Variants in FMNL2 observed in about 807,000 individuals in gnomAD.
The protein encoded by FMNL2 is formin like 2, also known as formin-like protein 2.
Under a neutral mutation model 130.2 loss-of-function variants are expected in FMNL2, and 51 were observed. The ratio of observed to expected loss-of-function variants is 0.39; its 90% confidence interval spans 0.31 to 0.49. The LOEUF is 0.49. FMNL2 is among the 20% of genes least tolerant of loss of function. FMNL2 has a pLI of 0.85. For missense variants in FMNL2, 977 were observed against 1,316.2 expected, an observed-to-expected ratio of 0.74 and a Z score of 3.99; for synonymous variants, 465 against 467.1, an observed-to-expected ratio of 1.00 and a Z score of 0.06.
intron 1 of FMNL2, among the ~76,000 whole-genome samples, chr2:152,502,824 G>C (rs1691923411): frequency 6.6e-6 from 1 of 152,150 alleles, no homozygotes; most frequent in South Asian, 2.1e-4. Context: ...TCTTGTATAA[G>C]GGGGTTTATT....
At chr2:152,479,045 A>G (rs1690329744) in intron 1 of FMNL2, among the ~76,000 whole-genome samples, 1 of 152,236 alleles carries the variant, frequency 6.6e-6, no homozygotes, top group African/African-American at 2.4e-5. Flanking sequence ...TTAGTTACAC[A>G]TATAAAATAT....
intron 25 of FMNL2, among the ~76,000 whole-genome samples, chr2:152,645,180 T>G (rs1449789148): frequency 6.6e-6 from 1 of 152,228 alleles, no homozygotes; most frequent in Non-Finnish European, 1.5e-5. Flanking sequence ...CTGTCAGTTT[T>G]GCTGTTGGAC....
At chr2:152,442,855 T>C (rs1247660314) in intron 1 of FMNL2, among the ~76,000 whole-genome samples, 1 of 152,294 alleles carries the variant, frequency 6.6e-6, no homozygotes, top group East Asian at 1.9e-4. Context: ...AAAACACTAA[T>C]TACTGGGTTC....
At chr2:152,463,449 C>T (rs1579725233) in intron 1 of FMNL2, among the ~76,000 whole-genome samples, 1 of 152,122 alleles carries the variant, frequency 6.6e-6, no homozygotes, top group Non-Finnish European at 1.5e-5. Flanking sequence ...GCTTCAAAGC[C>T]TATGGTATTA....
chr2:152,602,018 G>T (rs934722984), intron 9 of FMNL2, among the ~76,000 whole-genome samples: 6 of 152,192 alleles, frequency 3.9e-5, no homozygotes, highest in African/African-American at 1.4e-4. Flanking sequence ...AGGGTTGTTT[G>T]CTGAATGGTC....
Position 152,389,859 on chromosome 2 carries a change from C to T in FMNL2, c.117+54139C>T, listed in dbSNP as rs111359143. On this transcript the variant is annotated intron_variant, in intron 1 of 25. Transcript: ENST00000288670. ...AGCTTATCATACAGACTTTCAGCCA[C>T]GACAATCAGCTGGCACAGAAGGCCC... 5,546 of 1,059,636 alleles carry T rather than the reference C, an allele frequency of 5.2e-3. 181 individuals carry two copies. In the African/African-American group the frequency reaches 0.076, roughly 15 times the overall value. 65.6% of individuals were successfully genotyped at this position (1,059,636 alleles called of 1,614,324 possible).
intron 3 of FMNL2, among the ~76,000 whole-genome samples, chr2:152,546,955 T>TC: frequency 6.6e-6 from 1 of 151,510 alleles, no homozygotes; most frequent in Non-Finnish European, 1.5e-5. Flanking sequence ...TCTTTTTTTT[T>TC]TTTTTTTTGA....
chr2:152,344,824 A>G (rs571960481), intron 1 of FMNL2, among the ~76,000 whole-genome samples: 1 of 152,224 alleles, frequency 6.6e-6, no homozygotes, highest in Non-Finnish European at 1.5e-5. Context: ...GTGAAATTCA[A>G]ATATACTTGT....
chr2:152,337,310 C>T (rs1681528875), intron 1 of FMNL2, among the ~76,000 whole-genome samples: 1 of 152,012 alleles, frequency 6.6e-6, no homozygotes. Context: ...TCCTACTAGA[C>T]ATATGGTTCT....
intron 6 of FMNL2, among the ~76,000 whole-genome samples, chr2:152,571,671 C>T (rs1176597358): frequency 6.6e-6 from 1 of 152,112 alleles, no homozygotes; most frequent in Non-Finnish European, 1.5e-5. Context: ...AACAGGTAAA[C>T]TAGGATGATC....
chr2:152,491,997 C>G (rs148740540), intron 1 of FMNL2, among the ~76,000 whole-genome samples: 4 of 152,262 alleles, frequency 2.6e-5, no homozygotes, highest in African/African-American at 9.6e-5. Context: ...TAGAGTTATA[C>G]TGAGCTAAAG....
intron 1 of FMNL2, among the ~76,000 whole-genome samples, chr2:152,518,749 C>T (rs1325120452): frequency 8.5e-5 from 13 of 152,156 alleles, no homozygotes; most frequent in African/African-American, 1.2e-4. Flanking sequence ...AACGTGCCAT[C>T]GACCCCATCT....
intron 1 of FMNL2, among the ~76,000 whole-genome samples, chr2:152,340,640 C>G (rs570641485): frequency 3.6e-4 from 55 of 152,346 alleles, no homozygotes; most frequent in African/African-American, 1.3e-3. Flanking sequence ...AACGCATATA[C>G]TCCAAATGCG....
chr2:152,457,608 G>A (rs1368554353), intron 1 of FMNL2, among the ~76,000 whole-genome samples: 2 of 152,214 alleles, frequency 1.3e-5, no homozygotes, highest in Non-Finnish European at 2.9e-5. Context: ...GTATAGCAGA[G>A]AAGTCCTTTG....
At chr2:152,440,277 T>C (rs1687986341) in intron 1 of FMNL2, among the ~76,000 whole-genome samples, 1 of 152,158 alleles carries the variant, frequency 6.6e-6, no homozygotes, top group Admixed American at 6.5e-5. Flanking sequence ...AATTTGGCGT[T>C]TCAGCAGCCA....
intron 1 of FMNL2, among the ~76,000 whole-genome samples, chr2:152,502,979 C>T (rs371229278): frequency 2.2e-4 from 33 of 152,002 alleles, no homozygotes; most frequent in African/African-American, 7.5e-4. Context: ...AGATGTTTTC[C>T]GGGCAAGTGA....
intron 1 of FMNL2, chr2:152,389,970 A>G: frequency 7.2e-7 from 1 of 1,381,470 alleles, no homozygotes; most frequent in Admixed American, 1.8e-5. Flanking sequence ...GGCCCCAGAT[A>G]AAGGCAGACA....
At chr2:152,516,175 A>G (rs1436095285) in intron 1 of FMNL2, among the ~76,000 whole-genome samples, 1 of 152,152 alleles carries the variant, frequency 6.6e-6, no homozygotes, top group Non-Finnish European at 1.5e-5. Flanking sequence ...TTTGATGGGT[A>G]CAGAGTTTGT....
intron 1 of FMNL2, among the ~76,000 whole-genome samples, chr2:152,341,394 T>C (rs1162473597): frequency 6.6e-6 from 1 of 152,184 alleles, no homozygotes; most frequent in African/African-American, 2.4e-5. Context: ...AATGTTTGGC[T>C]CCAGGAAGAG....
Sources: allele counts gnomAD v4.1 joint callset (sites outside exome capture counted in the v4.1 genomes callset), GRCh38; gene constraint gnomAD v4.1.1; transcripts MANE v1.5; gene names NCBI Gene and HGNC (gene_info 2026-07-23, HGNC 2026-07-21).